GNA14: variants seen among roughly 807,000 people sequenced by gnomAD.
The protein encoded by GNA14 is G protein subunit alpha 14, also known as guanine nucleotide-binding protein subunit alpha-14.
GNA14 carries 50 observed loss-of-function variants against 42.0 expected under a neutral mutation model. That is an observed-to-expected ratio of 1.19 (90% confidence interval 0.95 to 1.51). The LOEUF is 1.51. Among genes scored for constraint, GNA14 ranks in the 40% most tolerant of loss-of-function variants. GNA14 has a pLI of 0.00. For missense variants in GNA14, 473 were observed against 446.2 expected (o/e 1.06, Z -0.54); for synonymous variants, 173 against 163.1 (o/e 1.06, Z -0.46).
intron 2 of GNA14, among the ~76,000 whole-genome samples, chr9:77,525,030 T>C (rs1339171415): frequency 6.6e-6 from 1 of 152,164 alleles, no homozygotes; most frequent in Admixed American, 6.5e-5. Flanking sequence ...GGACTGTGGA[T>C]TTTTTACATG....
chr9:77,464,723 C>A (rs954390761), intron 2 of GNA14, among the ~76,000 whole-genome samples: 1 of 152,150 alleles, frequency 6.6e-6, no homozygotes, highest in Admixed American at 6.5e-5. Flanking sequence ...GGTTGAATTA[C>A]ATCCCTGCTA....
intron 2 of GNA14, among the ~76,000 whole-genome samples, chr9:77,436,287 A>C (rs1484560026): frequency 6.6e-6 from 1 of 152,196 alleles, no homozygotes; most frequent in Non-Finnish European, 1.5e-5. Context: ...AGTTCTAAAC[A>C]GTGTAGTTGG....
At chr9:77,553,620 G>A (rs985951641) in intron 1 of GNA14, among the ~76,000 whole-genome samples, 1 of 152,000 alleles carries the variant, frequency 6.6e-6, no homozygotes, top group African/African-American at 2.4e-5. Context: ...GTTTGCAAGA[G>A]GGGCAAATTG....
Position 77,434,524 on chromosome 9 carries a change from T to G in GNA14, c.310-2A>C. The G allele has an allele frequency of 6.2e-7, 1 of 1,611,694 alleles. No individual in the cohort carries two copies. The highest frequency in any genetic ancestry group is 1.1e-5 in the South Asian group (1 of 90,742). On this transcript the variant is annotated splice_acceptor_variant, in intron 2 of 6. Transcript: ENST00000341700. LOFTEE classifies it high-confidence loss of function. ...TTCTCTGATTATCTGGGCATTTTCC[T>G]ACTCAAAGGAAAGAGAACCTTGCAT...
chr9:77,450,448 C>T (rs187447086), intron 2 of GNA14, among the ~76,000 whole-genome samples: 46 of 152,166 alleles, frequency 3.0e-4, no homozygotes, highest in East Asian at 7.7e-4. Context: ...GAAATCTTGC[C>T]GATTCTCATC....
chr9:77,439,686 G>C (rs1199332076), intron 2 of GNA14, among the ~76,000 whole-genome samples: 1 of 152,190 alleles, frequency 6.6e-6, no homozygotes, highest in Non-Finnish European at 1.5e-5. Context: ...TTTGTGCATA[G>C]TTCTCTCTGG....
chr9:77,471,627 G>C (rs1836331131), intron 2 of GNA14, among the ~76,000 whole-genome samples: 2 of 152,154 alleles, frequency 1.3e-5, no homozygotes, highest in African/African-American at 4.8e-5. Context: ...ATGTGTTTGG[G>C]GTGCCTGTGA....
intron 5 of GNA14, among the ~76,000 whole-genome samples, chr9:77,426,250 T>G (rs1014313278): frequency 3.3e-5 from 5 of 151,898 alleles, no homozygotes; most frequent in African/African-American, 1.2e-4. Context: ...TGTGCCACAC[T>G]TTACAAGCAG....
At chr9:77,490,000 G>T (rs140821461) in intron 2 of GNA14, among the ~76,000 whole-genome samples, 2 of 152,084 alleles carry the variant, frequency 1.3e-5, no homozygotes, top group South Asian at 4.2e-4. Flanking sequence ...TTCTCAGGGC[G>T]CTGATTGGTG....
intron 1 of GNA14, among the ~76,000 whole-genome samples, chr9:77,557,577 T>C (rs1253346003): frequency 6.6e-6 from 1 of 152,170 alleles, no homozygotes; most frequent in African/African-American, 2.4e-5. Flanking sequence ...TGAAACTATC[T>C]TTTCAATAAC....
At chr9:77,431,505 A>C (rs535820388) in intron 3 of GNA14, 56 bp from the exon 4 acceptor site, 4 of 1,523,406 alleles carry the variant, frequency 2.6e-6, no homozygotes, top group Non-Finnish European at 3.6e-6. Context: ...GGAAATGTCC[A>C]TCCTACTCAA....
At position 77,458,910 on chromosome 9, in the gene GNA14, G is replaced by T. The variant is rs984116864; in HGVS notation, c.310-24388C>A. Among the ~76,000 whole-genome samples the T allele has an allele frequency of 1.7e-5, 2 of 115,940 alleles. 1 individual carries two copies. The highest frequency in any genetic ancestry group is 1.7e-4 in the Admixed American group (2 of 12,120). 76.1% of individuals were successfully genotyped at this position (115,940 alleles called of 152,430 possible). On this transcript the variant is annotated intron_variant, in intron 2 of 6. Transcript: ENST00000341700. Reference sequence around the variant, plus strand: ...TCCTTTTATCACAAGCTGGAGGGGGGGGGGTTGTCCTCTTCTCCCCCTTGC... The same window carrying T: ...TCCTTTTATCACAAGCTGGAGGGGGTGGGGTTGTCCTCTTCTCCCCCTTGC...
chr9:77,617,092 G>A (rs1038182322), intron 1 of GNA14, among the ~76,000 whole-genome samples: 3 of 151,870 alleles, frequency 2.0e-5, no homozygotes, highest in Non-Finnish European at 4.4e-5. Context: ...GGATGGTCTC[G>A]ATCTCCTGAT....
At chr9:77,606,085 C>A (rs1038019090) in intron 1 of GNA14, among the ~76,000 whole-genome samples, 7 of 152,144 alleles carry the variant, frequency 4.6e-5, no homozygotes, top group African/African-American at 1.7e-4. Context: ...CTTCAGTGGG[C>A]AGCCGTGAAA....
At chr9:77,631,673 G>A (rs535772385) in intron 1 of GNA14, among the ~76,000 whole-genome samples, 1 of 151,748 alleles carries the variant, frequency 6.6e-6, no homozygotes, top group African/African-American at 2.4e-5. Context: ...TAATGAGCAT[G>A]AGTTCATCAT....
chr9:77,588,466 T>C (rs1823339659), intron 1 of GNA14, among the ~76,000 whole-genome samples: 1 of 152,178 alleles, frequency 6.6e-6, no homozygotes, highest in Non-Finnish European at 1.5e-5. Flanking sequence ...ATTTCACATT[T>C]AGCACAATGC....
At chr9:77,623,708 T>G (rs1311859637) in intron 1 of GNA14, among the ~76,000 whole-genome samples, 1 of 152,210 alleles carries the variant, frequency 6.6e-6, no homozygotes, top group Admixed American at 6.5e-5. Context: ...CCTGAGGGAC[T>G]GTGCCATGAG....
In GNA14 at chr9:77,647,757, CCTT is replaced by C. The variant is rs754882574; in HGVS notation, c.34_36del (p.Lys12del). The stretch of plus-strand genomic sequence containing the variant: ...ATCTCCGCGCTGATGCGCTGCGACT[CCTT>C]CTCCTCCGCGGACAGGCAGCAGCAG... On this transcript the variant is annotated inframe_deletion, in exon 1 of 7. Coordinates refer to ENST00000341700, the MANE Select transcript of GNA14 (RefSeq NM_004297.4). The C allele has an allele frequency of 2.1e-5, 34 of 1,610,300 alleles. No individual in the cohort carries two copies. The Admixed American group carries it at 3.7e-4, about 17-fold the overall frequency.
intron 1 of GNA14, among the ~76,000 whole-genome samples, chr9:77,632,560 G>T (rs1824115869): frequency 6.6e-6 from 1 of 152,176 alleles, no homozygotes; most frequent in African/African-American, 2.4e-5. Flanking sequence ...AAGAGCTGTG[G>T]CCCTTTGAGG....
Sources: gnomAD v4.1 joint callset for allele counts (sites outside exome capture counted in the v4.1 genomes callset) on GRCh38, gnomAD v4.1.1 for gene constraint, MANE v1.5 for transcripts, NCBI Gene and HGNC (gene_info 2026-07-23, HGNC 2026-07-21) for gene names.